Variants in RARB observed in about 807,000 individuals in gnomAD.
The protein encoded by RARB is HBV-activated protein.
In RARB, 17 loss-of-function variants were observed where a neutral mutation model predicts 51.9. The observed-to-expected ratio is 0.33, with a 90% CI of 0.22 to 0.49. RARB has a LOEUF of 0.49. Ranked by LOEUF, RARB falls within the 20% of genes least tolerant of loss-of-function variation. RARB has a pLI of 0.99. For synonymous variants in RARB, 215 were observed against 195.4 expected (o/e 1.10, Z -0.84); for missense variants, 369 against 550.8 (o/e 0.67, Z 3.30).
intron 5 of RARB, among the ~76,000 whole-genome samples, chr3:25,349,181 A>G (rs1575331857): frequency 1.3e-5 from 2 of 152,170 alleles, no homozygotes; most frequent in East Asian, 3.9e-4. Flanking sequence ...CCTCTTTGTG[A>G]ATGCAGCTGA....
rs544209735 is a variant in RARB at position 24,942,525 on chromosome 3, A to G, written c.-380+83773A>G. On this transcript the variant is annotated intron_variant, in intron 2 of 11. Coordinates refer to the RARB transcript ENST00000383772. ...TTTAAAATAGAGAAATCAAAGATATATAGAGAATTAAGAACTTGAGCACAG... is the reference window on the plus strand; with the variant it reads ...TTTAAAATAGAGAAATCAAAGATATGTAGAGAATTAAGAACTTGAGCACAG... Among the ~76,000 whole-genome samples the G allele has an allele frequency of 1.5e-3, 233 of 152,290 alleles. 3 individuals carry two copies. Among genetic ancestry groups the G allele is most frequent in the Middle Eastern group, 3.4e-3 (1 of 294 alleles).
At chr3:25,507,325 T>C (rs1286617717) in intron 3 of RARB, among the ~76,000 whole-genome samples, 1 of 152,202 alleles carries the variant, frequency 6.6e-6, no homozygotes, top group Non-Finnish European at 1.5e-5. Flanking sequence ...TCTGAAAAGT[T>C]GTCAGAGGCA....
chr3:24,935,213 G>T (rs977554852), intron 2 of RARB, among the ~76,000 whole-genome samples: 1 of 152,032 alleles, frequency 6.6e-6, no homozygotes. Context: ...AAATTGCTTT[G>T]TTACGTTTAG....
chr3:25,418,146 G>A (rs1196236153), intron 5 of RARB, among the ~76,000 whole-genome samples: 1 of 152,216 alleles, frequency 6.6e-6, no homozygotes, highest in Admixed American at 6.5e-5. Flanking sequence ...CTGCGAAGGA[G>A]GCTGGGAAAT....
At chr3:25,106,250 C>T (rs915914606) in intron 3 of RARB, among the ~76,000 whole-genome samples, 5 of 37,014 alleles carry the variant, frequency 1.4e-4, no homozygotes, top group African/African-American at 2.2e-4. Context: ...GGTGGTTTCT[C>T]GGAGAAATGC....
intron 4 of RARB, among the ~76,000 whole-genome samples, chr3:25,140,634 T>G (rs898261036): frequency 1.3e-5 from 2 of 152,208 alleles, no homozygotes; most frequent in African/African-American, 4.8e-5. Flanking sequence ...TCCATAAACT[T>G]AGTTGATAAA....
At chr3:25,339,112 G>A (rs1705147620) in intron 5 of RARB, among the ~76,000 whole-genome samples, 1 of 152,170 alleles carries the variant, frequency 6.6e-6, no homozygotes, top group African/African-American at 2.4e-5. Context: ...CACATAATCT[G>A]AAAATATTAA....
chr3:25,413,810 G>A (rs1707630942), intron 5 of RARB, among the ~76,000 whole-genome samples: 1 of 152,116 alleles, frequency 6.6e-6, no homozygotes, highest in Non-Finnish European at 1.5e-5. Flanking sequence ...CACTGGCATG[G>A]TCTGCATTTA....
intron 3 of RARB, among the ~76,000 whole-genome samples, chr3:25,513,115 TAA>T (rs11420573): frequency 7.1e-5 from 7 of 98,492 alleles, no homozygotes; most frequent in Non-Finnish European, 4.2e-5. Context: ...CTGTCTTTAC[TAA>T]AAAAAAAAAA....
chr3:25,277,579 T>G (rs953093979), intron 5 of RARB, among the ~76,000 whole-genome samples: 7 of 152,354 alleles, frequency 4.6e-5, no homozygotes, highest in Middle Eastern at 3.4e-3. Context: ...AAATTGTTTT[T>G]CATAAACTTA....
At chr3:24,946,856 C>G (rs1695786596) in intron 2 of RARB, among the ~76,000 whole-genome samples, 1 of 152,126 alleles carries the variant, frequency 6.6e-6, no homozygotes. Flanking sequence ...CAGGGTGAGA[C>G]ACTGTCAATC....
At chr3:25,517,645 A>G (rs1019376206) in intron 3 of RARB, among the ~76,000 whole-genome samples, 7 of 152,244 alleles carry the variant, frequency 4.6e-5, no homozygotes, top group East Asian at 3.9e-4. Flanking sequence ...ACTCCTAAGT[A>G]TATACTCAAG....
chr3:25,299,759 A>AT (rs1265943437), intron 5 of RARB, among the ~76,000 whole-genome samples: 2,946 of 148,146 alleles, frequency 0.02, 98 homozygotes, highest in African/African-American at 0.066. Flanking sequence ...TGGCACCAAA[A>AT]AAAATAAATA....
intron 3 of RARB, among the ~76,000 whole-genome samples, chr3:25,557,903 T>G (rs1163881377): frequency 2.0e-5 from 3 of 152,166 alleles, no homozygotes; most frequent in African/African-American, 7.2e-5. Context: ...TCTCTCTAGG[T>G]CTGCAAACTG....
chr3:24,915,047 T>G (rs1449425029), intron 2 of RARB, among the ~76,000 whole-genome samples: 1 of 152,226 alleles, frequency 6.6e-6, no homozygotes, highest in East Asian at 1.9e-4. Flanking sequence ...ATAGAAGTAG[T>G]CATTCCAAAC....
chr3:25,594,490 T>G (rs1395944339), intron 6 of RARB, 30 bp from the exon 7 acceptor site: 3 of 1,562,784 alleles, frequency 1.9e-6, no homozygotes, highest in East Asian at 4.5e-5. Context: ...AAATCCTGAT[T>G]TTGTTTAATA....
chr3:25,063,829 C>T (rs1287567558), intron 3 of RARB, among the ~76,000 whole-genome samples: 1 of 151,708 alleles, frequency 6.6e-6, no homozygotes, highest in Non-Finnish European at 1.5e-5. Context: ...ACTGGTAGCT[C>T]CTCTTAGTCC....
At chr3:24,873,412 T>A (rs976878471) in intron 2 of RARB, among the ~76,000 whole-genome samples, 1 of 152,144 alleles carries the variant, frequency 6.6e-6, no homozygotes, top group Non-Finnish European at 1.5e-5. Flanking sequence ...ATTATCTTTT[T>A]AAATCTCTAT....
At chr3:25,413,059 T>C (rs970900943) in intron 5 of RARB, among the ~76,000 whole-genome samples, 5 of 151,476 alleles carry the variant, frequency 3.3e-5, no homozygotes, top group African/African-American at 9.7e-5. Flanking sequence ...AGAAAAAATA[T>C]GACCCGAACA....
Sources: allele counts gnomAD v4.1 joint callset (sites outside exome capture counted in the v4.1 genomes callset), GRCh38; gene constraint gnomAD v4.1.1; transcripts MANE v1.5; gene names NCBI Gene and HGNC (gene_info 2026-07-23, HGNC 2026-07-21).